Variants in DNAH11 observed in about 807,000 individuals in gnomAD.
The protein encoded by DNAH11 is dynein axonemal heavy chain 11.
Under a neutral mutation model 526.0 loss-of-function variants are expected in DNAH11, and 442 were observed. The observed-to-expected ratio is 0.84, with a 90% confidence interval of 0.78 to 0.91. DNAH11 has a LOEUF of 0.91. DNAH11 is among the 40% of genes least tolerant of loss of function. The pLI is 0.00. For missense variants in DNAH11, 6,989 were observed against 5,448.7 expected, an observed-to-expected ratio of 1.28 and a Z score of -8.90; for synonymous variants, 2,461 against 1,935.9, an observed-to-expected ratio of 1.27 and a Z score of -7.12.
intron 30 of DNAH11, among the ~76,000 whole-genome samples, chr7:21,670,867 CGTGTGTGT>C (rs59872330): frequency 4.3e-4 from 64 of 147,276 alleles, no homozygotes; most frequent in African/African-American, 9.4e-4. Flanking sequence ...TAAGTGTGTA[CGTGTGTGT>C]GTGTGTGTGT....
intron 20 of DNAH11, 47 bp from the exon 21 acceptor site, chr7:21,615,065 TTC>T: frequency 6.5e-7 from 1 of 1,544,778 alleles, no homozygotes; most frequent in Non-Finnish European, 8.7e-7. Flanking sequence ...ACTGCATGTC[TTC>T]TCTTTCTCTG....
chr7:21,787,705 TCTAAGA>T (rs1788253323), intron 60 of DNAH11, 122 bp downstream of exon 60: 5 of 814,706 alleles, frequency 6.1e-6, no homozygotes, highest in Non-Finnish European at 8.9e-6. Flanking sequence ...GATATGTAGT[TCTAAGA>T]CTAAGACATG....
intron 35 of DNAH11, among the ~76,000 whole-genome samples, chr7:21,694,582 CT>C (rs1379585540): frequency 6.6e-6 from 1 of 152,154 alleles, no homozygotes; most frequent in Admixed American, 6.5e-5. Flanking sequence ...GCCACATTTT[CT>C]TTTTCCAGTC....
At chr7:21,861,316 C>G (rs1220565080) in intron 68 of DNAH11, among the ~76,000 whole-genome samples, 3 of 152,164 alleles carry the variant, frequency 2.0e-5, no homozygotes, top group Non-Finnish European at 4.4e-5. Context: ...CTGAGCTCAT[C>G]ACATTGTGTT....
At chr7:21,684,556 T>C (rs1783289044) in intron 32 of DNAH11, among the ~76,000 whole-genome samples, 1 of 152,180 alleles carries the variant, frequency 6.6e-6, no homozygotes, top group Admixed American at 6.5e-5. Context: ...GAGCCTACTA[T>C]TGTGGAGAGC....
rs118024808 is a variant in DNAH11 at position 21,592,953 on chromosome 7, A to G, written c.2667+1376A>G. On this transcript the variant is annotated intron_variant, in intron 14 of 81. Transcript: ENST00000409508. ...TTGTCCTAAGGGACATTTTGAGTAG[A>G]CTAGAATTGCAAATGTGTCTTGTGT... Among the ~76,000 whole-genome samples the G allele has an allele frequency of 7.0e-4, 107 of 152,290 alleles. 2 individuals carry two copies. In the East Asian group the frequency reaches 0.02, roughly 29 times the overall value.
At chr7:21,882,061 T>C (rs1175006057) in intron 75 of DNAH11, among the ~76,000 whole-genome samples, 2 of 152,188 alleles carry the variant, frequency 1.3e-5, no homozygotes, top group African/African-American at 2.4e-5. Context: ...CAGTTCTAGG[T>C]AGAAAAAGGA....
intron 65 of DNAH11, among the ~76,000 whole-genome samples, chr7:21,829,796 C>G (rs962139945): frequency 1.3e-5 from 2 of 152,100 alleles, no homozygotes; most frequent in African/African-American, 2.4e-5. Flanking sequence ...AATTGAAATT[C>G]TCGTCTTGGT....
At position 21,687,453 on chromosome 7, in the gene DNAH11, C is replaced by T. The variant is rs377208329; in HGVS notation, c.5850C>T (p.Ile1950=). The part of the protein sequence containing the change: ...AWGCFDEFNR[I]SVEVLSVVAV... The stretch of plus-strand genomic sequence containing the variant: ...GCTGCTTTGATGAGTTCAACCGAAT[C>T]TCTGTGGAAGTTCTGTCAGTGGTGG... The change falls in exon 34 of 82, where the codon ATC becomes ATT. Residue 1950 remains isoleucine (I), a synonymous_variant. Coordinates refer to ENST00000409508, the MANE Select transcript of DNAH11 (RefSeq NM_001277115.2). 53 of 1,613,818 alleles carry T rather than the reference C, an allele frequency of 3.3e-5. No homozygotes were observed. The South Asian group carries it at 4.9e-4, about 15-fold the overall frequency.
Position 21,866,473 on chromosome 7 carries a change from A to T in DNAH11, c.11500A>T (p.Ile3834Phe). The T allele has an allele frequency of 6.2e-7, 1 of 1,609,840 alleles. No individual in the cohort carries two copies. Reference sequence around the variant, plus strand: ...TTGTTTCCCTATCATATTACAGGCAATTGCCGTCATGGAAGAATTTCGAGG... The same window carrying T: ...TTGTTTCCCTATCATATTACAGGCATTTGCCGTCATGGAAGAATTTCGAGG... ...TSQSWSAIKA[I>F]AVMEEFRGID... is the part of the protein sequence containing the mutation. Residue 3834 changes from isoleucine (I) to phenylalanine (F), a missense_variant, in exon 71 of 82, where the codon ATT (isoleucine) becomes TTT (phenylalanine). Coordinates refer to ENST00000409508, the MANE Select transcript of DNAH11 (RefSeq NM_001277115.2).
chr7:21,775,641 C>T (rs544686201), intron 56 of DNAH11, among the ~76,000 whole-genome samples: 15 of 151,628 alleles, frequency 9.9e-5, no homozygotes, highest in African/African-American at 3.4e-4. Flanking sequence ...GTCTGTCTTT[C>T]CTGTCTCTTT....
At chr7:21,851,664 G>T in intron 66 of DNAH11, 1 of 471,100 alleles carries the variant, frequency 2.1e-6, no homozygotes, top group Admixed American at 2.3e-5. Context: ...GAAGTGTAGA[G>T]ACTACGAAGA....
intron 49 of DNAH11, 116 bp downstream of exon 49, chr7:21,742,282 GA>G: frequency 3.2e-6 from 4 of 1,245,090 alleles, no homozygotes; most frequent in Non-Finnish European, 4.4e-6. Context: ...AATTTATAAA[GA>G]AAAGAGGTTT....
intron 59 of DNAH11, 67 bp from the exon 60 acceptor site, chr7:21,787,334 C>G: frequency 6.7e-7 from 1 of 1,497,572 alleles, no homozygotes; most frequent in Non-Finnish European, 9.0e-7. Flanking sequence ...CTGATTTTAA[C>G]TTTTGATCTT....
Position 21,711,919 on chromosome 7 carries a change from T to G in DNAH11, c.6983+59T>G, listed in dbSNP as rs978244029. 3 of 1,542,444 alleles carry G rather than the reference T, an allele frequency of 1.9e-6. No homozygotes were observed. In the African/African-American group the frequency reaches 4.1e-5, roughly 21 times the overall value. On this transcript the variant is annotated intron_variant, in intron 42 of 81. Coordinates refer to ENST00000409508, the MANE Select transcript of DNAH11 (RefSeq NM_001277115.2). ...TGTATGTAACATAACATTTACCATT[T>G]TCATAATTTTTGCTTAAGCACATTC...
At chr7:21,789,391 C>A in intron 61 of DNAH11, 49 bp downstream of exon 61, 1 of 1,329,542 alleles carries the variant, frequency 7.5e-7, no homozygotes. Context: ...GTGGTCGCTG[C>A]CTCCACCTTA....
chr7:21,613,215 G>A (rs1301045988), intron 20 of DNAH11, among the ~76,000 whole-genome samples: 5 of 152,168 alleles, frequency 3.3e-5, no homozygotes, highest in Non-Finnish European at 5.9e-5. Context: ...CAATTGAAAT[G>A]TGATATATGT....
At position 21,786,609 on chromosome 7, in the gene DNAH11, T is replaced by C; in HGVS notation, c.9598-15T>C. On this transcript the variant is annotated splice_polypyrimidine_tract_variant and intron_variant, in intron 58 of 81. Transcript: ENST00000409508. ...AATCCTGTCTGTGTACGTGTTTCTG[T>C]GTGCTTTTCTTCAGGTCAACCTCAG... is the stretch of plus-strand genomic sequence containing the variant. 1.2e-6 allele frequency: 2 copies of C among 1,605,436 alleles called. No homozygotes were observed. Among genetic ancestry groups the C allele is most frequent in the Non-Finnish European group, 1.7e-6 (2 of 1,173,966 alleles).
chr7:21,555,471 A>G (rs923567194), intron 2 of DNAH11, among the ~76,000 whole-genome samples: 5 of 151,888 alleles, frequency 3.3e-5, no homozygotes, highest in African/African-American at 9.7e-5. Flanking sequence ...TGTGTACTCA[A>G]CCCCCAACTA....
Sources: gnomAD v4.1 joint callset for allele counts (sites outside exome capture counted in the v4.1 genomes callset) on GRCh38, gnomAD v4.1.1 for gene constraint, MANE v1.5 for transcripts, NCBI Gene and HGNC (gene_info 2026-07-23, HGNC 2026-07-21) for gene names.